Variants in GSE1 observed in about 807,000 individuals in gnomAD.
GSE1 encodes the protein genetic suppressor element 1.
Under a neutral mutation model 112.6 loss-of-function variants are expected in GSE1, and 32 were observed. That is an observed-to-expected ratio of 0.28 (90% CI 0.21 to 0.38). The LOEUF is 0.38. GSE1 is among the 10% of genes least tolerant of loss of function. GSE1 has a pLI of 1.00. For missense variants in GSE1, 2,348 were observed against 1,699.2 expected, an observed-to-expected ratio of 1.38 and a Z score of -6.71; for synonymous variants, 1,115 against 735.6, an observed-to-expected ratio of 1.52 and a Z score of -8.35.
chr16:85,560,576 C>T (rs1490720862), intron 1 of GSE1, among the ~76,000 whole-genome samples: 1 of 152,098 alleles, frequency 6.6e-6, no homozygotes, highest in Non-Finnish European at 1.5e-5. Context: ...GAGCAAGGTG[C>T]AGGGGCATGT....
chr16:85,446,621 G>A (rs2049520247), intron 2 of GSE1, among the ~76,000 whole-genome samples: 1 of 152,156 alleles, frequency 6.6e-6, no homozygotes, highest in African/African-American at 2.4e-5. Flanking sequence ...GACCCCTATG[G>A]GGTGTGGGTG....
intron 3 of GSE1, among the ~76,000 whole-genome samples, chr16:85,653,982 C>T (rs764379351): frequency 2.0e-5 from 3 of 152,172 alleles, no homozygotes; most frequent in Non-Finnish European, 1.5e-5. Context: ...CCTTCACCTG[C>T]ACACATTGTG....
At chr16:85,509,459 T>A (rs2051659840) in intron 2 of GSE1, among the ~76,000 whole-genome samples, 1 of 152,196 alleles carries the variant, frequency 6.6e-6, no homozygotes, top group Non-Finnish European at 1.5e-5. Context: ...GCCAAGGCCC[T>A]CCCAGCCAGC....
At chr16:85,622,818 TCA>T (rs2048825386) in intron 1 of GSE1, among the ~76,000 whole-genome samples, 1 of 152,220 alleles carries the variant, frequency 6.6e-6, no homozygotes, top group Non-Finnish European at 1.5e-5. Context: ...TGTTACACCC[TCA>T]TGGAGTTACC....
rs1169126051 is a variant in GSE1, at chr16:85,501,003, T to TG, written c.2465-132911_2465-132910insG. 4.2e-3 allele frequency among the ~76,000 whole-genome samples: 542 copies of TG among 128,690 alleles called. 7 individuals carry two copies. The highest frequency in any genetic ancestry group is 0.017 in the African/African-American group (512 of 30,990). The allele number at this position is 128,690 out of a possible 152,430, so 84.4% of individuals were successfully genotyped here. Reference sequence around the variant, plus strand: ...ACTCCAGTATGGCCTGTTCTGTTTTTTTTTTTTTTTTTTTTTTTTTGAGAC... The same window carrying TG: ...ACTCCAGTATGGCCTGTTCTGTTTTTGTTTTTTTTTTTTTTTTTTTTGAGAC... On this transcript the variant is annotated intron_variant, in intron 2 of 2. Coordinates refer to the GSE1 transcript ENST00000637419.
chr16:85,298,201 G>A (rs976018141), intron 1 of GSE1, among the ~76,000 whole-genome samples: 2 of 152,186 alleles, frequency 1.3e-5, no homozygotes, highest in Non-Finnish European at 2.9e-5. Context: ...GCTCCCTGGT[G>A]ATGCAATGCT....
At chr16:85,456,579 C>CTGTGTGTGTGT (rs1491195220) in intron 2 of GSE1, among the ~76,000 whole-genome samples, 1 of 91,476 alleles carries the variant, frequency 1.1e-5, no homozygotes, top group African/African-American at 3.9e-5. Flanking sequence ...ATTTTCCTGC[C>CTGTGTGTGTGT]GTGTGTGTGT....
chr16:85,254,583 A>T (rs1746921872), intron 1 of GSE1, among the ~76,000 whole-genome samples: 2 of 152,154 alleles, frequency 1.3e-5, no homozygotes, highest in Admixed American at 1.3e-4. Flanking sequence ...CTTGCCACCC[A>T]CTGGGGAGGT....
At chr16:85,553,974 C>T (rs1021958731), upstream of GSE1, among the ~76,000 whole-genome samples, 1 of 152,188 alleles carries the variant, frequency 6.6e-6, no homozygotes, top group Non-Finnish European at 1.5e-5. Context: ...GGTGCCCCGC[C>T]GTGTGTACCT....
intron 1 of GSE1, among the ~76,000 whole-genome samples, chr16:85,263,171 C>T (rs192665155): frequency 2.6e-3 from 400 of 152,260 alleles, no homozygotes; most frequent in Middle Eastern, 6.8e-3. Flanking sequence ...GTTGTAGCTT[C>T]AAAGAGTGTG....
At position 85,663,599 on chromosome 16, in the gene GSE1, G is replaced by A. The variant is rs754410672; in HGVS notation, c.2629G>A (p.Ala877Thr). The A allele has an allele frequency of 3.5e-5, 57 of 1,612,650 alleles. No individual in the cohort carries two copies. In the Admixed American group the frequency reaches 5.5e-4, roughly 16 times the overall value. ...LTIFNLTHIS[A>T]EKRKDKERLV... is the part of the protein sequence containing the mutation. ...CATCTTCAACCTGACCCACATCAGC[G>A]CTGAGAAGAGGAAAGGTAGGGCCTC... Residue 877 changes from alanine (A) to threonine (T), a missense_variant, in exon 11 of 16, where the codon GCT becomes ACT. Transcript: ENST00000253458.
chr16:85,332,117 G>C (rs1300335913), intron 1 of GSE1, among the ~76,000 whole-genome samples: 1 of 152,114 alleles, frequency 6.6e-6, no homozygotes, highest in Non-Finnish European at 1.5e-5. Context: ...GATGGGGCAG[G>C]GGGCCCAGAC....
intron 1 of GSE1, among the ~76,000 whole-genome samples, chr16:85,228,763 T>A (rs1345583965): frequency 6.6e-6 from 1 of 152,164 alleles, no homozygotes; most frequent in African/African-American, 2.4e-5. Context: ...CGGTGACATA[T>A]GCTTGAGCCC....
intron 1 of GSE1, among the ~76,000 whole-genome samples, chr16:85,226,469 G>A (rs1022743433): frequency 1.3e-5 from 2 of 152,230 alleles, no homozygotes; most frequent in African/African-American, 4.8e-5. Context: ...GGTGGGGCCT[G>A]ACCAAGGGGG....
chr16:85,459,072 T>C (rs996293811), intron 2 of GSE1, among the ~76,000 whole-genome samples: 5 of 152,200 alleles, frequency 3.3e-5, no homozygotes, highest in Admixed American at 3.3e-4. Flanking sequence ...CGTCGGCTGC[T>C]GCCTGTGGTG....
In GSE1 at chr16:85,338,159, A is replaced by G. The variant is rs1041235173; in HGVS notation, c.2284-19304A>G. ...GAGCCTGGGCTGCCCACGGCAGGGC[A>G]GGGCAGGCTGCCTGGGCGTTGCCTG... On this transcript the variant is annotated intron_variant, in intron 1 of 2. Transcript: ENST00000637419. Among the ~76,000 whole-genome samples, 25 of 152,354 alleles carry G rather than the reference A, an allele frequency of 1.6e-4. No individual in the cohort carries two copies. The East Asian group carries it at 3.3e-3, about 20-fold the overall frequency.
At chr16:85,198,031 G>C (rs1024254058) in intron 1 of GSE1, among the ~76,000 whole-genome samples, 4 of 152,140 alleles carry the variant, frequency 2.6e-5, no homozygotes, top group Admixed American at 2.6e-4. Flanking sequence ...AGCACCCCTT[G>C]GTTGGGCGAG....
In GSE1 at chr16:85,571,666, C is replaced by G. The variant is rs371804178; in HGVS notation, c.37+15303C>G. On this transcript the variant is annotated intron_variant, in intron 1 of 2. Transcript: ENST00000635906. ...TGGAGCAGGGACCTGACTGACTGAC[C>G]TTTTGACATTAAACACAGGAAGGAC... Among the ~76,000 whole-genome samples, 28 of 152,284 alleles carry G rather than the reference C, an allele frequency of 1.8e-4. 1 individual carries two copies. The highest frequency in any genetic ancestry group is 6.7e-4 in the African/African-American group (28 of 41,548).
At chr16:85,258,897 C>A (rs796398147) in intron 1 of GSE1, among the ~76,000 whole-genome samples, 1 of 152,228 alleles carries the variant, frequency 6.6e-6, no homozygotes, top group African/African-American at 2.4e-5. Flanking sequence ...CCCCCGCCAG[C>A]TGCCCTGCCG....
Sources: allele counts gnomAD v4.1 joint callset (sites outside exome capture counted in the v4.1 genomes callset), GRCh38; gene constraint gnomAD v4.1.1; transcripts MANE v1.5; gene names NCBI Gene and HGNC (gene_info 2026-07-23, HGNC 2026-07-21).